PUM1: variants seen among roughly 807,000 people sequenced by gnomAD.
PUM1 encodes the protein pumilio RNA binding family member 1.
A neutral mutation model predicts 131.8 loss-of-function variants in PUM1; 13 were observed. That is an observed-to-expected ratio of 0.10 (90% CI 0.06 to 0.16). The LOEUF is 0.16. Ranked by LOEUF, PUM1 falls within the 10% of genes least tolerant of loss-of-function variation. The pLI is 1.00. For missense variants in PUM1, 961 were observed against 1,512.4 expected (o/e 0.64, Z 6.05); for synonymous variants, 509 against 556.5 (o/e 0.91, Z 1.20).
In PUM1 at chr1:30,999,612, A is replaced by C. The variant is rs1397085752; in HGVS notation, c.721-4392T>G. On this transcript the variant is annotated intron_variant, in intron 5 of 21. Coordinates refer to ENST00000426105, the MANE Select transcript of PUM1 (RefSeq NM_001020658.2). ...ACAGAGCAAGACTCTGTCTCAAAAAAAAAAAAAAAAAAAAAAAAAAAAAAA... is the reference window on the plus strand; with the variant it reads ...ACAGAGCAAGACTCTGTCTCAAAAACAAAAAAAAAAAAAAAAAAAAAAAAA... Among the ~76,000 whole-genome samples, 9 of 15,572 alleles carry C rather than the reference A, an allele frequency of 5.8e-4. 1 individual carries two copies. The highest frequency in any genetic ancestry group is 2.5e-3 in the African/African-American group (8 of 3,214). 10.2% of individuals were successfully genotyped at this position (15,572 alleles called of 152,430 possible).
At position 30,953,766 on chromosome 1, in the gene PUM1, G is replaced by A. The variant is rs775876971; in HGVS notation, c.2539C>T (p.Arg847Trp). Residue 847 changes from arginine to tryptophan, a missense_variant, in exon 15 of 22, where the codon CGG (arginine) becomes TGG (tryptophan). Transcript: ENST00000426105. ...RNNRYPNLQL[R>W]EIAGHIMEFS... Reference sequence around the variant, plus strand: ...TCCATTATATGTCCAGCAATCTCCCGCAGTTGTAAATTGGGGTACCGGTTG... The same window carrying A: ...TCCATTATATGTCCAGCAATCTCCCACAGTTGTAAATTGGGGTACCGGTTG... The A allele has an allele frequency of 4.3e-6, 7 of 1,614,136 alleles. No homozygotes were observed. Among genetic ancestry groups the A allele is most frequent in the Admixed American group, 3.3e-5 (2 of 60,018 alleles).
chr1:30,995,331 G>A, intron 5 of PUM1, 111 bp from the exon 6 acceptor site: 1 of 1,151,434 alleles, frequency 8.7e-7, no homozygotes, highest in Non-Finnish European at 1.3e-6. Flanking sequence ...ATAGTGTTGT[G>A]CCCTTTCACA....
chr1:30,953,023 AG>A (rs1361852489), intron 15 of PUM1, among the ~76,000 whole-genome samples: 15 of 152,092 alleles, frequency 9.9e-5, no homozygotes, highest in Non-Finnish European at 2.9e-5. Context: ...AAAACAAAAC[AG>A]TATTCATTAT....
At chr1:31,045,989 GGA>G in intron 2 of PUM1, among the ~76,000 whole-genome samples, 1 of 152,136 alleles carries the variant, frequency 6.6e-6, no homozygotes, top group Non-Finnish European at 1.5e-5. Flanking sequence ...GCCTGAGGCA[GGA>G]GAATCGCTTG....
chr1:31,020,119 G>A (rs1267469826), intron 3 of PUM1, among the ~76,000 whole-genome samples: 2 of 152,004 alleles, frequency 1.3e-5, no homozygotes, highest in African/African-American at 4.8e-5. Context: ...TTATGTCTAT[G>A]TGTACCCAAT....
At chr1:30,957,405 C>T (rs1057086785) in intron 14 of PUM1, among the ~76,000 whole-genome samples, 5 of 151,848 alleles carry the variant, frequency 3.3e-5, no homozygotes, top group African/African-American at 1.2e-4. Flanking sequence ...CTTTCCGATT[C>T]ACAATAGTCT....
At chr1:31,013,086 T>C (rs536695272) in intron 3 of PUM1, among the ~76,000 whole-genome samples, 1 of 152,208 alleles carries the variant, frequency 6.6e-6, no homozygotes, top group Non-Finnish European at 1.5e-5. Context: ...ACAATACTAA[T>C]GATTTGTCAA....
At chr1:31,036,105 T>C (rs1643602570) in intron 2 of PUM1, among the ~76,000 whole-genome samples, 2 of 151,932 alleles carry the variant, frequency 1.3e-5, no homozygotes, top group South Asian at 4.2e-4. Context: ...AGTCTCACTC[T>C]GTTGCCCAGG....
At chr1:31,053,113 C>T (rs1242509981) in intron 2 of PUM1, among the ~76,000 whole-genome samples, 4 of 151,008 alleles carry the variant, frequency 2.6e-5, no homozygotes, top group East Asian at 2.0e-4. Context: ...CCGATTCAAG[C>T]GATTTTCCTG....
At chr1:31,019,890 T>C (rs1479688254) in intron 3 of PUM1, among the ~76,000 whole-genome samples, 2 of 151,996 alleles carry the variant, frequency 1.3e-5, no homozygotes, top group Non-Finnish European at 2.9e-5. Flanking sequence ...TGTTTTTACA[T>C]ATGAATAAAC....
intron 1 of PUM1, among the ~76,000 whole-genome samples, chr1:31,065,221 AT>A (rs1262057857): frequency 3.9e-5 from 6 of 152,026 alleles, no homozygotes; most frequent in Admixed American, 3.9e-4. Flanking sequence ...GTGGCACAGA[AT>A]TACACTTCAT....
intron 20 of PUM1, among the ~76,000 whole-genome samples, chr1:30,939,156 T>C (rs1639343272): frequency 6.6e-6 from 1 of 152,228 alleles, no homozygotes; most frequent in Admixed American, 6.5e-5. Context: ...CACATTTTCC[T>C]ATTATCCAGA....
chr1:31,056,661 C>G (rs1644249078), intron 2 of PUM1, among the ~76,000 whole-genome samples: 1 of 120,594 alleles, frequency 8.3e-6, no homozygotes, highest in Admixed American at 1.1e-4. Flanking sequence ...GGGTCCCACT[C>G]TGTTGCCCAG....
rs181072333 is a variant in PUM1 at position 31,056,278 on chromosome 1, C to G, written c.363+2926G>C. 6.6e-3 allele frequency among the ~76,000 whole-genome samples: 994 copies of G among 151,542 alleles called. 5 individuals carry two copies. The highest frequency in any genetic ancestry group is 0.011 in the Non-Finnish European group (747 of 67,888). On this transcript the variant is annotated intron_variant, in intron 2 of 21. Transcript: ENST00000426105. ...TCTTCATCCCAAAGAAAGAGAAAAT[C>G]TTTCTTTTTTCTTTTTTTGGAGACA... is the stretch of plus-strand genomic sequence containing the variant.
At chr1:31,015,750 C>A (rs1418298811) in intron 3 of PUM1, among the ~76,000 whole-genome samples, 1 of 149,090 alleles carries the variant, frequency 6.7e-6, no homozygotes, top group Non-Finnish European at 1.5e-5. Flanking sequence ...CTCAGCTCAC[C>A]GCAACCTCCG....
chr1:30,934,094 GCT>G (rs1480030802), intron 21 of PUM1, among the ~76,000 whole-genome samples: 2 of 152,162 alleles, frequency 1.3e-5, no homozygotes, highest in East Asian at 3.9e-4. Context: ...TCCGACCTAT[GCT>G]CTGAGTCACT....
At chr1:31,026,971 G>T (rs892562269) in intron 3 of PUM1, among the ~76,000 whole-genome samples, 2 of 147,036 alleles carry the variant, frequency 1.4e-5, no homozygotes, top group African/African-American at 5.0e-5. Context: ...AGGCGTTTCT[G>T]GAAGAAGAAA....
At position 30,970,028 on chromosome 1, in the gene PUM1, T is replaced by A. The variant is rs1017606543; in HGVS notation, c.1507-1536A>T. Among the ~76,000 whole-genome samples, 19 of 151,846 alleles carry A rather than the reference T, an allele frequency of 1.3e-4. 1 individual carries two copies. The highest frequency in any genetic ancestry group is 2.4e-4 in the Non-Finnish European group (16 of 67,922). Reference sequence around the variant, plus strand: ...TGCTAGCAATCATTATTATTCTGAATGATGTGAAGAATCTATCTCACAAGA... The same window carrying A: ...TGCTAGCAATCATTATTATTCTGAAAGATGTGAAGAATCTATCTCACAAGA... On this transcript the variant is annotated intron_variant, in intron 10 of 21. Coordinates refer to ENST00000426105, the MANE Select transcript of PUM1 (RefSeq NM_001020658.2).
chr1:31,021,144 A>G (rs1643012578), intron 3 of PUM1, among the ~76,000 whole-genome samples: 1 of 152,222 alleles, frequency 6.6e-6, no homozygotes, highest in Non-Finnish European at 1.5e-5. Context: ...GCCTTTATAT[A>G]TCGGATTCAA....
Sources: gnomAD v4.1 joint callset for allele counts (sites outside exome capture counted in the v4.1 genomes callset) on GRCh38, gnomAD v4.1.1 for gene constraint, MANE v1.5 for transcripts, NCBI Gene and HGNC (gene_info 2026-07-23, HGNC 2026-07-21) for gene names.